The following CLEC16A variants were observed in gnomAD, a reference collection of about 807,000 sequenced individuals.
CLEC16A encodes protein CLEC16A.
In CLEC16A, 51 loss-of-function variants were observed where a neutral mutation model predicts 109.5. The observed-to-expected ratio is 0.47, with a 90% CI of 0.37 to 0.59. The LOEUF is 0.59. CLEC16A is among the 20% of genes least tolerant of loss of function. CLEC16A has a pLI of 0.00. For synonymous variants in CLEC16A, 673 were observed against 564.2 expected, an observed-to-expected ratio of 1.19 and a Z score of -2.73; for missense variants, 1,339 against 1,394.0, an observed-to-expected ratio of 0.96 and a Z score of 0.63.
At chr16:11,123,653 T>C in intron 20 of CLEC16A, 89 bp from the exon 21 acceptor site, 1 of 1,261,172 alleles carries the variant, frequency 7.9e-7, no homozygotes, top group South Asian at 1.3e-5. Flanking sequence ...TTTGGAGACC[T>C]CTTTCTAGAT....
chr16:11,027,617 T>C, intron 13 of CLEC16A: 1 of 1,559,642 alleles, frequency 6.4e-7, no homozygotes, highest in Non-Finnish European at 8.7e-7. Context: ...CAGGGAAGCA[T>C]TTCCAGGAGA....
intron 10 of CLEC16A, among the ~76,000 whole-genome samples, chr16:11,000,101 G>A (rs2044580869): frequency 6.6e-6 from 1 of 152,226 alleles, no homozygotes; most frequent in Admixed American, 6.5e-5. Flanking sequence ...GCCTCCCAAA[G>A]TGCTGGGATT....
At chr16:11,083,316 C>G (rs1449517587) in intron 19 of CLEC16A, among the ~76,000 whole-genome samples, 2 of 152,072 alleles carry the variant, frequency 1.3e-5, no homozygotes, top group African/African-American at 4.8e-5. Flanking sequence ...GTGGACACCA[C>G]CACGCCTGGA....
At chr16:11,153,619 A>G (rs1024642563) in intron 22 of CLEC16A, among the ~76,000 whole-genome samples, 1 of 151,294 alleles carries the variant, frequency 6.6e-6, no homozygotes, top group Non-Finnish European at 1.5e-5. Flanking sequence ...CTGTGAATCA[A>G]TTCCTCCTTT....
intron 19 of CLEC16A, among the ~76,000 whole-genome samples, chr16:11,112,268 A>C (rs534747201): frequency 1.3e-5 from 2 of 152,336 alleles, no homozygotes; most frequent in East Asian, 3.9e-4. Context: ...CACAGGAGAC[A>C]CTTATTATCC....
In CLEC16A at chr16:10,954,990, T is replaced by G. The variant is rs1439381351; in HGVS notation, c.81-2792T>G. ...CTCTGTGCCAGGCGCTGTGCTTGGCTCTTTCTGTGCATGGTCACGTTGCCT... is the reference window on the plus strand; with the variant it reads ...CTCTGTGCCAGGCGCTGTGCTTGGCGCTTTCTGTGCATGGTCACGTTGCCT... On this transcript the variant is annotated intron_variant, in intron 1 of 23. Transcript: ENST00000409790. The surrounding 1 kb of genome is among the most constrained non-coding windows in gnomAD (Gnocchi z 4.2). Among the ~76,000 whole-genome samples the G allele has an allele frequency of 6.6e-6, 1 of 152,258 alleles. No homozygotes were observed. The highest frequency in any genetic ancestry group is 1.5e-5 in the Non-Finnish European group (1 of 68,052).
chr16:11,088,795 C>T (rs1370619165), intron 19 of CLEC16A, among the ~76,000 whole-genome samples: 4 of 152,178 alleles, frequency 2.6e-5, no homozygotes, highest in East Asian at 3.8e-4. Flanking sequence ...GAGTGGGCGC[C>T]GTCCTGGGCT....
intron 22 of CLEC16A, among the ~76,000 whole-genome samples, chr16:11,142,849 C>A (rs1261522848): frequency 6.6e-6 from 1 of 152,178 alleles, no homozygotes; most frequent in Non-Finnish European, 1.5e-5. Flanking sequence ...CTTGCTCTAT[C>A]ACCCAGGCTG....
chr16:11,125,403 A>G (rs933696393), intron 21 of CLEC16A, among the ~76,000 whole-genome samples: 1 of 152,134 alleles, frequency 6.6e-6, no homozygotes, highest in African/African-American at 2.4e-5. Flanking sequence ...TGTTAGAACT[A>G]AAGCCTTGGG....
At chr16:11,046,536 G>T (rs1421320132) in intron 16 of CLEC16A, among the ~76,000 whole-genome samples, 3 of 152,102 alleles carry the variant, frequency 2.0e-5, no homozygotes, top group Non-Finnish European at 2.9e-5. Context: ...AAGGGTCATT[G>T]TCCAGTAGAG....
chr16:11,135,704 T>C (rs985268685), intron 22 of CLEC16A, among the ~76,000 whole-genome samples: 2 of 152,226 alleles, frequency 1.3e-5, no homozygotes, highest in Non-Finnish European at 2.9e-5. Flanking sequence ...ACAAACCCCA[T>C]ATGCAATCTG....
At chr16:11,076,749 C>T (rs2049397336) in intron 19 of CLEC16A, among the ~76,000 whole-genome samples, 2 of 152,196 alleles carry the variant, frequency 1.3e-5, no homozygotes. Flanking sequence ...TATACATCAC[C>T]TCTCCCAGCC....
chr16:10,986,189 C>T (rs931839919), intron 10 of CLEC16A, among the ~76,000 whole-genome samples: 6 of 151,772 alleles, frequency 4.0e-5, no homozygotes, highest in African/African-American at 1.5e-4. Context: ...TGCCCCCACA[C>T]CCGGCTCATT....
chr16:10,945,573 C>T lies in CLEC16A; in HGVS notation c.80+776C>T, dbSNP rs547862439. ...ACCTGCGTTCAAATCCTGAAACCAC[C>T]ATTTACTGGCTGTGTGACCTTGGGC... On this transcript the variant is annotated intron_variant, in intron 1 of 23. Coordinates refer to ENST00000409790, the MANE Select transcript of CLEC16A (RefSeq NM_015226.3). Among the ~76,000 whole-genome samples the T allele has an allele frequency of 7.2e-5, 11 of 152,172 alleles. No individual in the cohort carries two copies. In the South Asian group the frequency reaches 2.3e-3, roughly 32 times the overall value.
chr16:11,128,081 T>G (rs1385636571), intron 22 of CLEC16A, among the ~76,000 whole-genome samples: 3 of 152,192 alleles, frequency 2.0e-5, no homozygotes, highest in Non-Finnish European at 4.4e-5. Context: ...CAAATTGACC[T>G]GGTAAGAAAT....
intron 17 of CLEC16A, chr16:11,047,871 GGAGA>G (rs1477261690): frequency 3.9e-5 from 6 of 152,422 alleles, no homozygotes; most frequent in African/African-American, 1.4e-4. Flanking sequence ...CAGGGTGACA[GGAGA>G]GAGAATTAGT....
chr16:10,955,265 A>G (rs567838161), intron 1 of CLEC16A, among the ~76,000 whole-genome samples: 15 of 152,324 alleles, frequency 9.8e-5, no homozygotes, highest in Admixed American at 7.8e-4. Flanking sequence ...AGTTATGTTT[A>G]CAAAGACCAT....
At chr16:11,140,209 C>T (rs557816044) in intron 22 of CLEC16A, among the ~76,000 whole-genome samples, 4 of 152,180 alleles carry the variant, frequency 2.6e-5, no homozygotes, top group Non-Finnish European at 5.9e-5. Context: ...GATGACCTCA[C>T]CGGCCCACAG....
At chr16:11,100,581 G>A (rs1406650401) in intron 19 of CLEC16A, among the ~76,000 whole-genome samples, 2 of 152,142 alleles carry the variant, frequency 1.3e-5, no homozygotes, top group African/African-American at 4.8e-5. Context: ...GGCATTTCCT[G>A]CTTGGGGTCC....
Sources: gnomAD v4.1 joint callset for allele counts (sites outside exome capture counted in the v4.1 genomes callset) on GRCh38, gnomAD v4.1.1 for gene constraint, Gnocchi (gnomAD v3.1) non-coding constraint, MANE v1.5 for transcripts, NCBI Gene and HGNC (gene_info 2026-07-23, HGNC 2026-07-21) for gene names.